SOX5: variants seen among roughly 807,000 people sequenced by gnomAD.
SOX5 encodes transcription factor SOX-5.
SOX5 carries 9 observed loss-of-function variants against 92.0 expected under a neutral mutation model. The ratio of observed to expected loss-of-function variants is 0.10; its 90% CI spans 0.06 to 0.17. The LOEUF is 0.17. Ranked by LOEUF, SOX5 falls within the 10% of genes least tolerant of loss-of-function variation. The pLI is 1.00. For synonymous variants in SOX5, 344 were observed against 336.3 expected, an observed-to-expected ratio of 1.02 and a Z score of -0.25; for missense variants, 642 against 944.5, an observed-to-expected ratio of 0.68 and a Z score of 4.20.
chr12:24,218,905 G>GTA (rs1267558215), intron 3 of SOX5, among the ~76,000 whole-genome samples: 1 of 152,026 alleles, frequency 6.6e-6, no homozygotes, highest in Non-Finnish European at 1.5e-5. Context: ...CAGTACTCAA[G>GTA]TATTGTAATA....
chr12:23,719,805 A>AAC (rs1056121235), intron 6 of SOX5, among the ~76,000 whole-genome samples: 1 of 148,926 alleles, frequency 6.7e-6, no homozygotes, highest in African/African-American at 2.5e-5. Context: ...AAAAAAAAAA[A>AAC]AAAAAACTGA....
chr12:23,667,464 T>C (rs1255070748), intron 6 of SOX5, among the ~76,000 whole-genome samples: 1 of 152,168 alleles, frequency 6.6e-6, no homozygotes. Context: ...TATAATTTGT[T>C]TTAGTGTCTA....
At chr12:24,469,832 G>A (rs1364552981) in intron 1 of SOX5, among the ~76,000 whole-genome samples, 1 of 152,108 alleles carries the variant, frequency 6.6e-6, no homozygotes, top group African/African-American at 2.4e-5. Context: ...TACAATTGGA[G>A]TTTCCTCAAA....
intron 11 of SOX5, among the ~76,000 whole-genome samples, chr12:23,553,555 C>A (rs1186617001): frequency 6.6e-6 from 1 of 151,884 alleles, no homozygotes; most frequent in East Asian, 1.9e-4. Flanking sequence ...GGGAAAAAAA[C>A]AAAACCTGGG....
At chr12:24,244,335 G>A (rs1784993515) in intron 3 of SOX5, among the ~76,000 whole-genome samples, 2 of 152,204 alleles carry the variant, frequency 1.3e-5, no homozygotes, top group Non-Finnish European at 2.9e-5. Flanking sequence ...TAATGCAAAT[G>A]CAGGCAGTTA....
chr12:23,871,631 A>C (rs2136797209), intron 2 of SOX5, among the ~76,000 whole-genome samples: 1 of 152,226 alleles, frequency 6.6e-6, no homozygotes, highest in East Asian at 1.9e-4. Flanking sequence ...TGTTCTTGTA[A>C]ACTCTTTTTT....
chr12:24,114,716 T>A (rs1279910296), intron 4 of SOX5, among the ~76,000 whole-genome samples: 4 of 149,256 alleles, frequency 2.7e-5, no homozygotes, highest in Non-Finnish European at 5.9e-5. Context: ...GGTGGGAGAA[T>A]CAAGGGTCTT....
At chr12:24,409,350 G>A (rs187730753) in intron 1 of SOX5, among the ~76,000 whole-genome samples, 30 of 152,250 alleles carry the variant, frequency 2.0e-4, no homozygotes, top group Non-Finnish European at 3.8e-4. Context: ...TGGGGAGTGA[G>A]GGGAGGGAAT....
intron 4 of SOX5, among the ~76,000 whole-genome samples, chr12:23,993,864 AATGTATGTATGTATGTATGTATGT>A (rs5797056): frequency 1.4e-4 from 21 of 146,622 alleles, no homozygotes; most frequent in African/African-American, 4.6e-4. Flanking sequence ...CTCCCTATGA[AATGTATGTATGTATGTATGTATGT>A]ATGTATGTAT....
At chr12:23,973,168 T>C (rs1484480255) in intron 4 of SOX5, among the ~76,000 whole-genome samples, 3 of 149,196 alleles carry the variant, frequency 2.0e-5, no homozygotes, top group Non-Finnish European at 3.0e-5. Context: ...TTCTTTTTTT[T>C]TTTTTTTTTT....
intron 6 of SOX5, among the ~76,000 whole-genome samples, chr12:23,713,246 G>A (rs553056308): frequency 1.0e-3 from 159 of 152,330 alleles, no homozygotes; most frequent in African/African-American, 3.5e-3. Flanking sequence ...AAGCTAGGGA[G>A]AGGCATGCTA....
intron 4 of SOX5, among the ~76,000 whole-genome samples, chr12:24,030,614 G>C (rs1162362928): frequency 6.6e-6 from 1 of 151,818 alleles, no homozygotes; most frequent in Non-Finnish European, 1.5e-5. Flanking sequence ...CACAGGAAAA[G>C]CTCCATCACA....
intron 4 of SOX5, among the ~76,000 whole-genome samples, chr12:24,188,766 A>T (rs1035127092): frequency 3.9e-5 from 6 of 152,158 alleles, no homozygotes; most frequent in African/African-American, 1.4e-4. Flanking sequence ...ACAAGACCAG[A>T]GCTGTGATTT....
chr12:23,901,710 C>G (rs969262324), intron 1 of SOX5, among the ~76,000 whole-genome samples: 1 of 152,178 alleles, frequency 6.6e-6, no homozygotes, highest in Non-Finnish European at 1.5e-5. Flanking sequence ...ATGAGATCCA[C>G]ATAGGCAGAC....
Position 23,600,311 on chromosome 12 carries a change from G to A in SOX5, c.1164+4076C>T, listed in dbSNP as rs77688497. ...CAAGAGCTAGAATAATATCTGCGAA[G>A]AGCTAAACATATTCGCTTTTGTGGG... On this transcript the variant is annotated intron_variant, in intron 9 of 14. Transcript: ENST00000451604. 6.9e-3 allele frequency among the ~76,000 whole-genome samples: 1,053 copies of A among 151,906 alleles called. 50 individuals carry two copies. The East Asian group carries it at 0.13, about 19-fold the overall frequency.
chr12:24,458,300 A>G (rs1943242147), intron 1 of SOX5, among the ~76,000 whole-genome samples: 1 of 152,320 alleles, frequency 6.6e-6, no homozygotes, highest in Non-Finnish European at 1.5e-5. Flanking sequence ...TTTTTTACTT[A>G]TATATTTGGT....
chr12:23,993,416 C>T (rs560675039), intron 4 of SOX5, among the ~76,000 whole-genome samples: 8 of 152,096 alleles, frequency 5.3e-5, no homozygotes, highest in African/African-American at 1.9e-4. Context: ...GGATTTAGCC[C>T]CAAGAAGCAA....
intron 4 of SOX5, among the ~76,000 whole-genome samples, chr12:24,129,959 C>G (rs147692472): frequency 2.0e-5 from 3 of 152,026 alleles, no homozygotes; most frequent in Non-Finnish European, 2.9e-5. Context: ...AAAACTCAAA[C>G]TAAAAATGCA....
At chr12:24,018,723 G>C (rs751438438) in intron 4 of SOX5, among the ~76,000 whole-genome samples, 15 of 152,058 alleles carry the variant, frequency 9.9e-5, no homozygotes, top group Non-Finnish European at 2.1e-4. Context: ...CTTGAACCTG[G>C]GAGGCGGAGG....
Sources: gnomAD v4.1 joint callset for allele counts (sites outside exome capture counted in the v4.1 genomes callset) on GRCh38, gnomAD v4.1.1 for gene constraint, MANE v1.5 for transcripts, NCBI Gene and HGNC (gene_info 2026-07-23, HGNC 2026-07-21) for gene names.